The following SUSD6 variants were observed in gnomAD, a reference collection of about 807,000 sequenced individuals.
SUSD6 encodes the protein sushi domain-containing protein 6.
SUSD6 carries 16 observed loss-of-function variants against 28.4 expected under a neutral mutation model. That is an observed-to-expected ratio of 0.56 (90% CI 0.38 to 0.86). The LOEUF is 0.86. Among genes scored for constraint, SUSD6 ranks in the 40% least tolerant of loss-of-function variants. The pLI is 0.00. For missense variants in SUSD6, 341 were observed against 384.2 expected, an observed-to-expected ratio of 0.89 and a Z score of 0.94; for synonymous variants, 147 against 159.6, an observed-to-expected ratio of 0.92 and a Z score of 0.59.
chr14:69,708,189 A>G (rs1250966970), intron 4 of SUSD6, among the ~76,000 whole-genome samples: 2 of 152,230 alleles, frequency 1.3e-5, no homozygotes, highest in Non-Finnish European at 2.9e-5. Context: ...TATATTCCAC[A>G]TACCATACAG....
At position 69,633,616 on chromosome 14, in the gene SUSD6, C is replaced by A. The variant is rs371674453; in HGVS notation, c.-81+21788C>A. Among the ~76,000 whole-genome samples the A allele has an allele frequency of 2.3e-3, 353 of 152,292 alleles. 3 individuals carry two copies. Among genetic ancestry groups the A allele is most frequent in the African/African-American group, 8.1e-3 (337 of 41,558 alleles). On this transcript the variant is annotated intron_variant, in intron 1 of 5. Coordinates refer to ENST00000342745, the MANE Select transcript of SUSD6 (RefSeq NM_014734.4). ...TTTTCATTATTTTGTTCATAACTCA[C>A]AAATAGCTGCAGCTTATTCTTCCTT...
intron 1 of SUSD6, among the ~76,000 whole-genome samples, chr14:69,613,458 CTT>C (rs1387893639): frequency 6.6e-6 from 1 of 152,254 alleles, no homozygotes; most frequent in East Asian, 1.9e-4. Flanking sequence ...ATTCTAAACT[CTT>C]TCTCCTGGGT....
At chr14:69,684,721 C>T (rs2139632953) in intron 2 of SUSD6, among the ~76,000 whole-genome samples, 1 of 152,324 alleles carries the variant, frequency 6.6e-6, no homozygotes, top group African/African-American at 2.4e-5. Flanking sequence ...CAGCATGTTG[C>T]CAGGCCAGGG....
chr14:69,612,249 A>G (rs755682495), intron 1 of SUSD6, among the ~76,000 whole-genome samples: 4 of 152,150 alleles, frequency 2.6e-5, no homozygotes, highest in Non-Finnish European at 5.9e-5. Context: ...TCAGCCCAGC[A>G]AAGCTGCGGG....
At chr14:69,638,374 C>G (rs1383050968) in intron 1 of SUSD6, among the ~76,000 whole-genome samples, 1 of 150,738 alleles carries the variant, frequency 6.6e-6, no homozygotes, top group Non-Finnish European at 1.5e-5. Context: ...AATCTACCCC[C>G]ATCACTCTTG....
intron 1 of SUSD6, among the ~76,000 whole-genome samples, chr14:69,655,686 G>A (rs1396931674): frequency 6.6e-6 from 1 of 151,738 alleles, no homozygotes; most frequent in Non-Finnish European, 1.5e-5. Context: ...TATAGTCCCA[G>A]CTGCTTGGGA....
chr14:69,702,649 C>T (rs1224289958), intron 2 of SUSD6, among the ~76,000 whole-genome samples: 1 of 152,190 alleles, frequency 6.6e-6, no homozygotes, highest in African/African-American at 2.4e-5. Flanking sequence ...TGACTGTGAC[C>T]CCAAGCCTGC....
chr14:69,650,141 C>G (rs531384570), intron 1 of SUSD6, among the ~76,000 whole-genome samples: 91 of 152,248 alleles, frequency 6.0e-4, no homozygotes, highest in African/African-American at 2.1e-3. Flanking sequence ...GTTCTCTTGT[C>G]TAAACTAACA....
chr14:69,708,644 A>G, intron 4 of SUSD6, 33 bp from the exon 5 acceptor site: 1 of 1,496,200 alleles, frequency 6.7e-7, no homozygotes, highest in Non-Finnish European at 9.0e-7. Context: ...GTTTATTCTA[A>G]TTCATCCTTT....
chr14:69,672,088 C>T lies in SUSD6; in HGVS notation c.121+13375C>T, dbSNP rs193074956. Among the ~76,000 whole-genome samples the T allele has an allele frequency of 1.9e-3, 289 of 152,312 alleles. 1 individual carries two copies. Among genetic ancestry groups the T allele is most frequent in the Middle Eastern group, 6.8e-3 (2 of 294 alleles). On this transcript the variant is annotated intron_variant, in intron 2 of 5. Coordinates refer to ENST00000342745, the MANE Select transcript of SUSD6 (RefSeq NM_014734.4). ...CTTTTCTGAATTGCTCAGAGCACTT[C>T]GTTAACACTAACTGGTTAATCCACC...
intron 2 of SUSD6, among the ~76,000 whole-genome samples, chr14:69,687,780 C>T (rs889248637): frequency 5.9e-5 from 9 of 152,176 alleles, no homozygotes; most frequent in South Asian, 2.1e-4. Flanking sequence ...TCGTACTTGC[C>T]GTTACAACTG....
chr14:69,684,446 G>C (rs1254840511), intron 2 of SUSD6, among the ~76,000 whole-genome samples: 1 of 152,218 alleles, frequency 6.6e-6, no homozygotes, highest in Non-Finnish European at 1.5e-5. Context: ...TTCTATCAGT[G>C]GGGACAAGCA....
At chr14:69,617,643 G>A (rs1884978250) in intron 1 of SUSD6, 1 of 152,228 alleles carries the variant, frequency 6.6e-6, no homozygotes, top group Non-Finnish European at 1.5e-5. Context: ...TCAATGCGAA[G>A]CCTCAGCTCT....
chr14:69,695,645 T>G (rs1201030170), intron 2 of SUSD6, among the ~76,000 whole-genome samples: 1 of 152,158 alleles, frequency 6.6e-6, no homozygotes, highest in African/African-American at 2.4e-5. Context: ...TACTGCCCAG[T>G]GCTGTGGAAT....
At position 69,708,806 on chromosome 14, in the gene SUSD6, A is replaced by G; in HGVS notation, c.588A>G (p.Val196=). The G allele has an allele frequency of 6.2e-7, 1 of 1,614,176 alleles. No individual in the cohort carries two copies. The highest frequency in any genetic ancestry group is 8.5e-7 in the Non-Finnish European group (1 of 1,180,012). ...GHCVPPADPR[V]QIVLSEGSGP... ...GTGTGCCACCTGCTGACCCCAGAGTACAGATTGTGCTGTCAGAAGGGTCTG... is the reference window on the plus strand; with the variant it reads ...GTGTGCCACCTGCTGACCCCAGAGTGCAGATTGTGCTGTCAGAAGGGTCTG... The change falls in exon 5 of 6, where the codon GTA becomes GTG. Residue 196 remains valine, a synonymous_variant. Coordinates refer to ENST00000342745, the MANE Select transcript of SUSD6 (RefSeq NM_014734.4).
At chr14:69,636,443 G>A (rs1885266941) in intron 1 of SUSD6, among the ~76,000 whole-genome samples, 1 of 152,238 alleles carries the variant, frequency 6.6e-6, no homozygotes, top group Admixed American at 6.5e-5. Context: ...TCCTGAGGAA[G>A]AGGGTGGGAG....
intron 1 of SUSD6, among the ~76,000 whole-genome samples, chr14:69,630,340 C>T (rs1885175536): frequency 1.3e-5 from 2 of 152,214 alleles, no homozygotes; most frequent in Admixed American, 6.5e-5. Flanking sequence ...GTGAAGGCAG[C>T]AGCCAGGACC....
chr14:69,669,014 CTT>C (rs1885788283), intron 2 of SUSD6, among the ~76,000 whole-genome samples: 1 of 148,924 alleles, frequency 6.7e-6, no homozygotes, highest in Non-Finnish European at 1.5e-5. Context: ...AAAAAAATCT[CTT>C]TTTTAATGAA....
intron 4 of SUSD6, among the ~76,000 whole-genome samples, chr14:69,706,505 G>C (rs993089354): frequency 1.3e-5 from 2 of 152,058 alleles, no homozygotes; most frequent in African/African-American, 4.8e-5. Context: ...TGTTGCCCAG[G>C]CTGGAGTGCA....
Sources: gnomAD v4.1 joint callset for allele counts (sites outside exome capture counted in the v4.1 genomes callset) on GRCh38, gnomAD v4.1.1 for gene constraint, MANE v1.5 for transcripts, NCBI Gene and HGNC (gene_info 2026-07-23, HGNC 2026-07-21) for gene names.